The following ATP2C2 variants were observed in gnomAD, a reference collection of about 807,000 sequenced individuals.
ATP2C2 encodes ATPase secretory pathway Ca2+ transporting 2.
Under a neutral mutation model 110.8 loss-of-function variants are expected in ATP2C2, and 171 were observed. The observed-to-expected ratio is 1.54, with a 90% confidence interval of 1.36 to 1.75. The LOEUF (loss-of-function observed/expected upper bound fraction) is 1.75, where lower values mean the gene tolerates loss of function less well. Among genes scored for constraint, ATP2C2 ranks in the 40% most tolerant of loss-of-function variants. The pLI, the probability that ATP2C2 is intolerant of heterozygous loss-of-function variation, is 0.00. For synonymous variants in ATP2C2, 804 were observed against 508.4 expected, an observed-to-expected ratio of 1.58 and a Z score of -7.82; for missense variants, 1,963 against 1,235.0, an observed-to-expected ratio of 1.59 and a Z score of -8.84.
At chr16:84,463,459 C>A (rs1467900728) in intron 26 of ATP2C2, among the ~76,000 whole-genome samples, 155 bp from the exon 27 acceptor site, 1 of 152,142 alleles carries the variant, frequency 6.6e-6, no homozygotes, top group African/African-American at 2.4e-5. Context: ...ATTTTGGATT[C>A]TGGGTTAGGA....
At position 84,375,681 on chromosome 16, in the gene ATP2C2, AG is replaced by A. The variant is rs112430533; in HGVS notation, c.99+6969del. 3.3e-5 allele frequency among the ~76,000 whole-genome samples: 5 copies of A among 152,358 alleles called. 1 individual carries two copies. The highest frequency in any genetic ancestry group is 1.2e-4 in the African/African-American group (5 of 41,584). On this transcript the variant is annotated intron_variant, in intron 1 of 26. Transcript: ENST00000262429. ...TCATGATGTATCATTCAGTGGAAACAGGTGGTCGTAATTTCTTTTGGAAAAA... is the reference window on the plus strand; with the variant it reads ...TCATGATGTATCATTCAGTGGAAACAGTGGTCGTAATTTCTTTTGGAAAAA...
chr16:84,461,574 G>A, intron 24 of ATP2C2, 140 bp from the exon 25 acceptor site: 2 of 764,246 alleles, frequency 2.6e-6, no homozygotes, highest in East Asian at 2.4e-5. Context: ...ACACCTGGAG[G>A]AAGCTGTGTG....
intron 7 of ATP2C2, among the ~76,000 whole-genome samples, chr16:84,418,204 C>G (rs1007650246): frequency 6.6e-6 from 1 of 152,184 alleles, no homozygotes; most frequent in African/African-American, 2.4e-5. Flanking sequence ...GGGCATGAGC[C>G]CTGTGTGTGG....
intron 2 of ATP2C2, among the ~76,000 whole-genome samples, chr16:84,403,391 C>T (rs564383477): frequency 6.4e-4 from 97 of 152,230 alleles, no homozygotes; most frequent in African/African-American, 2.3e-3. Context: ...GTGCAGCCTC[C>T]ACCTCCTGGG....
At position 84,453,377 on chromosome 16, in the gene ATP2C2, C is replaced by A; in HGVS notation, c.1980+6C>A. On this transcript the variant is annotated splice_donor_region_variant and intron_variant, in intron 20 of 26. Transcript: ENST00000262429. ...ACAAGCTCAAAATCATCAAGGTTCG[C>A]TGGGCAAGGCAGGCACAGGCTGCGC... The A allele has an allele frequency of 6.2e-7, 1 of 1,614,190 alleles. No homozygotes were observed.
intron 8 of ATP2C2, 38 bp downstream of exon 8, chr16:84,422,577 C>T (rs1054401005): frequency 6.2e-7 from 1 of 1,611,624 alleles, no homozygotes; most frequent in African/African-American, 1.3e-5. Context: ...GCTCCCGTAA[C>T]CCACAGGCTC....
At chr16:84,446,489 T>C in intron 16 of ATP2C2, 59 bp downstream of exon 16, 2 of 1,218,842 alleles carry the variant, frequency 1.6e-6, no homozygotes, top group South Asian at 1.5e-5. Context: ...CACCCAGAGA[T>C]AAAGCAAAAT....
chr16:84,461,751 C>T lies in ATP2C2; in HGVS notation c.2519C>T (p.Thr840Met), dbSNP rs771963137. 13 of 1,614,092 alleles carry T rather than the reference C, an allele frequency of 8.1e-6. No homozygotes were observed. The highest frequency in any genetic ancestry group is 2.2e-5 in the East Asian group (1 of 44,896). Reference sequence around the variant, plus strand: ...AGAGCAAGCACTCCCCGCACCACGACGATGACGTTCACTTGTTTTGTGTTT... The same window carrying T: ...AGAGCAAGCACTCCCCGCACCACGATGATGACGTTCACTTGTTTTGTGTTT... ...EDRASTPRTTTMTFTCFVFFD... is the reference protein window; with the variant it reads ...EDRASTPRTTMMTFTCFVFFD... The change falls in exon 25 of 27, where the codon ACG (threonine) becomes ATG (methionine). Residue 840 changes from threonine to methionine, a missense_variant. Coordinates refer to ENST00000262429, the MANE Select transcript of ATP2C2 (RefSeq NM_014861.4).
chr16:84,417,689 C>G lies in ATP2C2; in HGVS notation c.624+2098C>G, dbSNP rs1023645254. 7.9e-5 allele frequency among the ~76,000 whole-genome samples: 12 copies of G among 152,240 alleles called. No individual in the cohort carries two copies. In the East Asian group the frequency reaches 1.7e-3, roughly 22 times the overall value. Reference sequence around the variant, plus strand: ...AGTGGATTGCTTGAGCCCAGGAGTTCAAGACCAGCCTGGGCAACATAGTGA... The same window carrying G: ...AGTGGATTGCTTGAGCCCAGGAGTTGAAGACCAGCCTGGGCAACATAGTGA... On this transcript the variant is annotated intron_variant, in intron 7 of 26. Transcript: ENST00000262429.
intron 4 of ATP2C2, among the ~76,000 whole-genome samples, chr16:84,410,080 G>C (rs766404982): frequency 6.6e-6 from 1 of 152,120 alleles, no homozygotes. Flanking sequence ...ATGGTGGCAT[G>C]TGCCTGTGGT....
chr16:84,386,473 T>A lies in ATP2C2; in HGVS notation c.100-12026T>A, dbSNP rs114385672. ...CTGTATGTAACCCATCTCCTCACCT[T>A]GCCAACAATTGCACTGGCCACCACT... On this transcript the variant is annotated intron_variant, in intron 1 of 26. Coordinates refer to ENST00000262429, the MANE Select transcript of ATP2C2 (RefSeq NM_014861.4). Among the ~76,000 whole-genome samples, 1,102 of 152,282 alleles carry A rather than the reference T, an allele frequency of 7.2e-3. 11 individuals carry two copies. The highest frequency in any genetic ancestry group is 0.025 in the African/African-American group (1,048 of 41,554).
At position 84,368,595 on chromosome 16, in the gene ATP2C2, C is replaced by A. The variant is rs2151390619; in HGVS notation, c.-21C>A. 3 of 1,536,918 alleles carry A rather than the reference C, an allele frequency of 2.0e-6. No homozygotes were observed. The African/African-American group carries it at 4.2e-5, about 22-fold the overall frequency. ...CTCGCCGGGGACCTAGGGACGCAGG[C>A]AACGCCTGCGCCCGCTCACCATGGT... On this transcript the variant is annotated 5_prime_UTR_variant, in exon 1 of 27. Transcript: ENST00000262429.
chr16:84,454,546 G>A (rs72806640), intron 20 of ATP2C2, among the ~76,000 whole-genome samples: 15,338 of 152,122 alleles, frequency 0.1, 1,001 homozygotes, highest in Non-Finnish European at 0.14. Flanking sequence ...TTTACTGACC[G>A]TGCTGGGCAC....
rs983862725 is a variant in ATP2C2 at position 84,440,871 on chromosome 16, G to A, written c.1224G>A (p.Gly408=). 6.2e-7 allele frequency: 1 copy of A among 1,613,304 alleles called. No homozygotes were observed. Among genetic ancestry groups the A allele is most frequent in the African/African-American group, 1.3e-5 (1 of 75,046 alleles). The change falls in exon 14 of 27, where the codon GGG becomes GGA. Residue 408 remains glycine (G), a synonymous_variant. Transcript: ENST00000262429. ...DGLRAEVSGV[G]YDGQGTVCLL... is the part of the protein sequence containing the mutation. ...TCGCCCTGCAGGTCAGCGGAGTTGG[G>A]TATGACGGTCAAGGGACTGTGTGTC... is the stretch of plus-strand genomic sequence containing the variant.
rs370106020 is a variant in ATP2C2 at position 84,451,888 on chromosome 16, G to C, written c.1661-33G>C. 66 of 1,587,778 alleles carry C rather than the reference G, an allele frequency of 4.2e-5. 1 individual carries two copies. The African/African-American group carries it at 7.3e-4, about 17-fold the overall frequency. Reference sequence around the variant, plus strand: ...AAAAAACGACGGCCCCTAAGCCCCCGGTGACCCCTCCTTACTCCCCCTCTC... The same window carrying C: ...AAAAAACGACGGCCCCTAAGCCCCCCGTGACCCCTCCTTACTCCCCCTCTC... On this transcript the variant is annotated intron_variant, in intron 17 of 26. Coordinates refer to ENST00000262429, the MANE Select transcript of ATP2C2 (RefSeq NM_014861.4).
chr16:84,429,555 A>C (rs940396807), intron 11 of ATP2C2, among the ~76,000 whole-genome samples: 6 of 152,008 alleles, frequency 3.9e-5, no homozygotes, highest in African/African-American at 2.4e-5. Context: ...TTTCATGTTC[A>C]TGTAGTGTTG....
chr16:84,408,369 T>C (rs1329076284), intron 3 of ATP2C2, 36 bp from the exon 4 acceptor site: 1 of 1,595,154 alleles, frequency 6.3e-7, no homozygotes, highest in South Asian at 1.1e-5. Context: ...TCCCTGAGAC[T>C]AAAGAACGTG....
chr16:84,425,204 C>T (rs937301042), intron 10 of ATP2C2, among the ~76,000 whole-genome samples: 2 of 152,196 alleles, frequency 1.3e-5, no homozygotes, highest in Non-Finnish European at 2.9e-5. Flanking sequence ...CAACACCACC[C>T]ACCTTCCCAG....
At chr16:84,390,983 G>A (rs1261936089) in intron 1 of ATP2C2, among the ~76,000 whole-genome samples, 2 of 151,830 alleles carry the variant, frequency 1.3e-5, no homozygotes. Context: ...GCGTGGTGGT[G>A]GGCACCTGTA....
Sources: allele counts gnomAD v4.1 joint callset (sites outside exome capture counted in the v4.1 genomes callset), GRCh38; gene constraint gnomAD v4.1.1; transcripts MANE v1.5; gene names NCBI Gene and HGNC (gene_info 2026-07-23, HGNC 2026-07-21).